C4orf50: variants seen among roughly 807,000 people sequenced by gnomAD.
C4orf50 encodes the protein chromosome 4 open reading frame 50.
A neutral mutation model predicts 77.2 loss-of-function variants in C4orf50; 80 were observed. The observed-to-expected ratio is 1.04, with a 90% CI of 0.87 to 1.25. C4orf50 has a LOEUF of 1.25. Among genes scored for constraint, C4orf50 ranks in the 50% most tolerant of loss-of-function variants. The pLI is 0.00. For missense variants in C4orf50, 1,257 were observed against 1,152.9 expected (o/e 1.09, Z -1.31); for synonymous variants, 532 against 465.3 (o/e 1.14, Z -1.84).
intron 25 of C4orf50, among the ~76,000 whole-genome samples, chr4:6,005,412 G>A (rs1412934349): frequency 1.3e-5 from 2 of 152,038 alleles, no homozygotes; most frequent in African/African-American, 4.8e-5. Context: ...ACCTTGAGAA[G>A]GTCACAGACA....
chr4:5,922,610 A>T (rs904041995), intron 7 of C4orf50, among the ~76,000 whole-genome samples: 3 of 152,162 alleles, frequency 2.0e-5, no homozygotes, highest in Non-Finnish European at 4.4e-5. Flanking sequence ...CCTTGCTTGT[A>T]AACTGCCTAT....
At chr4:5,903,466 A>G (rs1337833020) in intron 7 of C4orf50, 1 of 152,222 alleles carries the variant, frequency 6.6e-6, no homozygotes, top group Non-Finnish European at 1.5e-5. Context: ...ATTCAGCCTT[A>G]AAAAGGAAGG....
exon 34 of C4orf50, chr4:5,959,375 T>C: frequency 6.2e-7 from 1 of 1,612,942 alleles, no homozygotes; most frequent in Non-Finnish European, 8.5e-7. Flanking sequence ...AGTGGCCCTA[T>C]TACATTTCTA....
intron 7 of C4orf50, among the ~76,000 whole-genome samples, chr4:5,909,688 TGA>T (rs1716712465): frequency 6.6e-6 from 1 of 152,244 alleles, no homozygotes; most frequent in Non-Finnish European, 1.5e-5. Context: ...TTATAAGTGG[TGA>T]GAGATAGGGG....
At chr4:6,004,454 G>A (rs1348141831) in intron 25 of C4orf50, among the ~76,000 whole-genome samples, 3 of 13,268 alleles carry the variant, frequency 2.3e-4, no homozygotes, top group Admixed American at 5.1e-4. Flanking sequence ...TGGTAATGGT[G>A]ATGATGGTGA....
Position 6,009,132 on chromosome 4 carries a change from C to T in C4orf50, c.427-600G>A, listed in dbSNP as rs906483370. Among the ~76,000 whole-genome samples, 7 of 152,216 alleles carry T rather than the reference C, an allele frequency of 4.6e-5. No homozygotes were observed. Among genetic ancestry groups the T allele is most frequent in the African/African-American group, 1.2e-4 (5 of 41,452 alleles). ...CATATCACGCAGCTAAAATTCACTGCGGCCAGGATGCCAAGCGCCTTGTAT... is the reference window on the plus strand; with the variant it reads ...CATATCACGCAGCTAAAATTCACTGTGGCCAGGATGCCAAGCGCCTTGTAT... On this transcript the variant is annotated intron_variant, in intron 24 of 33. Transcript: ENST00000531445. This position sits in a 1 kb window ranked among gnomAD's most constrained non-coding sequence, Gnocchi z 5.6.
chr4:5,960,358 T>C (rs1719205333), intron 33 of C4orf50, among the ~76,000 whole-genome samples: 1 of 152,192 alleles, frequency 6.6e-6, no homozygotes. Context: ...GTCCTGCTAA[T>C]GCCTCTTCTC....
At chr4:5,937,061 T>G (rs1038034727) in intron 7 of C4orf50, among the ~76,000 whole-genome samples, 1 of 151,638 alleles carries the variant, frequency 6.6e-6, no homozygotes, top group Non-Finnish European at 1.5e-5. Flanking sequence ...AGGCAAAGAC[T>G]GAGAGGTTTT....
At chr4:5,950,868 GGAAT>G (rs751366934) in intron 7 of C4orf50, among the ~76,000 whole-genome samples, 4 of 152,134 alleles carry the variant, frequency 2.6e-5, no homozygotes, top group African/African-American at 9.7e-5. Flanking sequence ...ATTGATCATG[GGAAT>G]GAATGAATGA....
Position 6,018,383 on chromosome 4 carries a change from T to C in C4orf50, c.49A>G (p.Ile17Val), listed in dbSNP as rs566683142. Residue 17 changes from isoleucine (I) to valine (V), a missense_variant, in exon 23 of 34, where the codon ATC becomes GTC. Ile to Val is a conservative substitution (Grantham distance 29, BLOSUM62 3). Transcript: ENST00000531445. This position sits in a 1 kb window ranked among gnomAD's most constrained non-coding sequence, Gnocchi z 5.1. ...AACCCCTCACTGCTGGGGGCTCTGA[T>C]GACGTAGCTGAAACTCTCCTCAGTC... The C allele has an allele frequency of 2.5e-6, 1 of 399,072 alleles. No individual in the cohort carries two copies. Among genetic ancestry groups the C allele is most frequent in the Non-Finnish European group, 4.4e-6 (1 of 226,080 alleles). 24.7% of individuals were successfully genotyped at this position (399,072 alleles called of 1,614,324 possible).
chr4:6,002,416 T>C (rs574827281), intron 25 of C4orf50, among the ~76,000 whole-genome samples: 1 of 152,256 alleles, frequency 6.6e-6, no homozygotes, highest in South Asian at 2.1e-4. Flanking sequence ...AGTCAGCAGG[T>C]TTGAGGTACT....
rs1260731553 is a variant in C4orf50 at position 5,900,995 on chromosome 4, G to A, written c.*2475-2807C>T. 1 of 152,232 alleles carries A rather than the reference G, an allele frequency of 6.6e-6. No homozygotes were observed. Among genetic ancestry groups the A allele is most frequent in the Non-Finnish European group, 1.5e-5 (1 of 68,066 alleles). The allele number at this position is 152,232 out of a possible 1,614,324, so 9.4% of individuals were successfully genotyped here. A position where few individuals can be genotyped will look rare whatever the true frequency, so the allele number is the denominator to read the frequency against. On this transcript the variant is annotated intron_variant, in intron 7 of 7. Transcript: ENST00000324058. The surrounding 1 kb of genome is among the most constrained non-coding windows in gnomAD (Gnocchi z 4.3). Reference sequence around the variant, plus strand: ...TTGTTGCAGCCCATTGGTCTGCAGAGCGATCAAACCACACTACCTCAGCGT... The same window carrying A: ...TTGTTGCAGCCCATTGGTCTGCAGAACGATCAAACCACACTACCTCAGCGT...
chr4:5,998,514 C>T (rs1721694842), intron 25 of C4orf50, among the ~76,000 whole-genome samples: 1 of 152,252 alleles, frequency 6.6e-6, no homozygotes, highest in Non-Finnish European at 1.5e-5. Context: ...CCAGGGGTCA[C>T]TCTACGCACA....
At chr4:5,926,290 G>A (rs376433666) in intron 7 of C4orf50, among the ~76,000 whole-genome samples, 37 of 152,270 alleles carry the variant, frequency 2.4e-4, no homozygotes, top group Non-Finnish European at 2.9e-4. Flanking sequence ...CTGCTACGGC[G>A]GAGGCTGACC....
chr4:5,960,363 C>T (rs1292585008), intron 33 of C4orf50, among the ~76,000 whole-genome samples: 1 of 152,214 alleles, frequency 6.6e-6, no homozygotes, highest in African/African-American at 2.4e-5. Context: ...GCTAATGCCT[C>T]TTCTCCCTCC....
intron 31 of C4orf50, 145 bp from the exon 10 acceptor site, chr4:5,967,607 A>G (rs934524495): frequency 1.5e-6 from 1 of 689,152 alleles, no homozygotes; most frequent in Non-Finnish European, 2.7e-6. Flanking sequence ...GCCTGTGTGC[A>G]TGAAGACCTC....
At chr4:5,994,073 C>T (rs1365092895) in intron 26 of C4orf50, among the ~76,000 whole-genome samples, 1 of 152,150 alleles carries the variant, frequency 6.6e-6, no homozygotes, top group Non-Finnish European at 1.5e-5. Context: ...GGCCCCCTGG[C>T]TGGCACCCTC....
intron 25 of C4orf50, among the ~76,000 whole-genome samples, chr4:5,998,363 T>G (rs1461459717): frequency 1.3e-5 from 2 of 152,196 alleles, no homozygotes; most frequent in African/African-American, 4.8e-5. Context: ...TCGACATTAT[T>G]GACACTGCTT....
intron 28 of C4orf50, among the ~76,000 whole-genome samples, chr4:5,985,060 G>A (rs923580067): frequency 2.0e-5 from 3 of 151,924 alleles, no homozygotes; most frequent in Non-Finnish European, 4.4e-5. Context: ...AACTATGAGA[G>A]GCAGAAGACA....
Sources: gnomAD v4.1 joint callset for allele counts (sites outside exome capture counted in the v4.1 genomes callset) on GRCh38, gnomAD v4.1.1 for gene constraint, Gnocchi (gnomAD v3.1) non-coding constraint, MANE v1.5 for transcripts, NCBI Gene and HGNC (gene_info 2026-07-23, HGNC 2026-07-21) for gene names.